AGBL1: variants seen among roughly 807,000 people sequenced by gnomAD.
The protein encoded by AGBL1 is AGBL carboxypeptidase 1.
AGBL1 carries 130 observed loss-of-function variants against 118.9 expected under a neutral mutation model. The ratio of observed to expected loss-of-function variants is 1.09; its 90% confidence interval spans 0.95 to 1.26. The LOEUF (loss-of-function observed/expected upper bound fraction) is 1.26. Ranked by LOEUF, AGBL1 falls within the 50% of genes most tolerant of loss-of-function variation. The pLI is 0.00. For synonymous variants in AGBL1, 555 were observed against 478.9 expected, an observed-to-expected ratio of 1.16 and a Z score of -2.08; for missense variants, 1,584 against 1,298.1, an observed-to-expected ratio of 1.22 and a Z score of -3.38.
At chr15:86,135,903 C>T (rs546096027) in intron 1 of AGBL1, among the ~76,000 whole-genome samples, 135 of 152,284 alleles carry the variant, frequency 8.9e-4, no homozygotes, top group Non-Finnish European at 1.6e-3. Context: ...AACTTTCACC[C>T]GGTTCATGTG....
chr15:86,450,625 A>G (rs1175252640), intron 18 of AGBL1, among the ~76,000 whole-genome samples: 1 of 152,224 alleles, frequency 6.6e-6, no homozygotes, highest in Non-Finnish European at 1.5e-5. Context: ...ATTTAAGAAT[A>G]GGGTCAAAAT....
chr15:86,157,871 C>T (rs1244104654), intron 4 of AGBL1, among the ~76,000 whole-genome samples: 1 of 152,192 alleles, frequency 6.6e-6, no homozygotes, highest in Non-Finnish European at 1.5e-5. Flanking sequence ...CAGGCATCCA[C>T]AAAAGTGAAC....
intron 22 of AGBL1, among the ~76,000 whole-genome samples, chr15:86,886,052 T>A (rs1461253190): frequency 6.6e-6 from 1 of 152,232 alleles, no homozygotes; most frequent in Non-Finnish European, 1.5e-5. Flanking sequence ...TTTTTGGTTT[T>A]TTTCATATAG....
intron 21 of AGBL1, among the ~76,000 whole-genome samples, chr15:86,600,103 A>C (rs1396439898): frequency 6.6e-6 from 1 of 152,122 alleles, no homozygotes; most frequent in Non-Finnish European, 1.5e-5. Flanking sequence ...TCCAGTTATT[A>C]CTGATCTGAG....
chr15:86,507,063 G>A (rs2082986357), intron 18 of AGBL1, among the ~76,000 whole-genome samples: 1 of 151,954 alleles, frequency 6.6e-6, no homozygotes, highest in Non-Finnish European at 1.5e-5. Context: ...AAGATGTTTT[G>A]ATTTCTCATA....
chr15:86,841,601 T>C (rs1053109877), intron 22 of AGBL1, among the ~76,000 whole-genome samples: 5 of 152,176 alleles, frequency 3.3e-5, no homozygotes, highest in Non-Finnish European at 7.3e-5. Flanking sequence ...ATCCCAGCAC[T>C]TTTGGAGGCC....
chr15:86,783,585 T>G (rs1478598059), intron 22 of AGBL1, among the ~76,000 whole-genome samples: 1 of 152,170 alleles, frequency 6.6e-6, no homozygotes, highest in East Asian at 1.9e-4. Context: ...TTGAAAATTA[T>G]AATTAGAGGA....
chr15:86,922,559 T>C (rs1175442317), intron 23 of AGBL1, among the ~76,000 whole-genome samples: 3 of 152,166 alleles, frequency 2.0e-5, no homozygotes, highest in Admixed American at 2.0e-4. Context: ...CCCAAAATGT[T>C]GGAATTACAG....
intron 17 of AGBL1, among the ~76,000 whole-genome samples, chr15:86,320,770 T>C (rs988316494): frequency 6.6e-6 from 1 of 151,984 alleles, no homozygotes; most frequent in Non-Finnish European, 1.5e-5. Context: ...TAAGGATGTG[T>C]CTTTCTATTC....
chr15:86,656,467 G>A (rs77643504), intron 21 of AGBL1, among the ~76,000 whole-genome samples: 4 of 152,152 alleles, frequency 2.6e-5, no homozygotes, highest in South Asian at 2.1e-4. Flanking sequence ...GAAGTAACTT[G>A]CTGCTTGTTG....
At chr15:86,802,279 AT>A (rs35370954) in intron 22 of AGBL1, among the ~76,000 whole-genome samples, 54,601 of 149,058 alleles carry the variant, frequency 0.37, 11,339 homozygotes, top group Non-Finnish European at 0.5. Context: ...TGAGGTTTTC[AT>A]TTTTTTTTTC....
At chr15:86,841,612 G>A (rs974771898) in intron 22 of AGBL1, among the ~76,000 whole-genome samples, 2 of 152,158 alleles carry the variant, frequency 1.3e-5, no homozygotes, top group African/African-American at 2.4e-5. Context: ...TTTGGAGGCC[G>A]AGGTGGGTGA....
chr15:86,588,710 G>A (rs1332753023), intron 21 of AGBL1, among the ~76,000 whole-genome samples: 5 of 152,106 alleles, frequency 3.3e-5, no homozygotes, highest in Admixed American at 1.3e-4. Context: ...TTTGCAGCAT[G>A]ACTAAGCTTT....
intron 5 of AGBL1, among the ~76,000 whole-genome samples, chr15:86,175,342 T>C (rs533583383): frequency 9.8e-5 from 15 of 152,304 alleles, no homozygotes; most frequent in Admixed American, 9.1e-4. Context: ...TTTGTACTTC[T>C]GTGGTATCAG....
chr15:86,172,108 G>A (rs2077424668), intron 5 of AGBL1, among the ~76,000 whole-genome samples: 1 of 152,092 alleles, frequency 6.6e-6, no homozygotes, highest in Admixed American at 6.6e-5. Context: ...TCAGGTGATG[G>A]TGCACCAAAA....
intron 18 of AGBL1, among the ~76,000 whole-genome samples, chr15:86,412,464 G>T (rs2081635295): frequency 6.6e-6 from 1 of 152,040 alleles, no homozygotes; most frequent in African/African-American, 2.4e-5. Context: ...CCTAAATCTT[G>T]TATGTTCAGT....
intron 22 of AGBL1, among the ~76,000 whole-genome samples, chr15:86,881,725 C>A (rs2079894133): frequency 6.6e-6 from 1 of 152,118 alleles, no homozygotes; most frequent in South Asian, 2.1e-4. Flanking sequence ...ACCTCCGCCT[C>A]CCGGGTTTTA....
intron 3 of AGBL1, among the ~76,000 whole-genome samples, chr15:86,150,204 C>G (rs2077089015): frequency 6.6e-6 from 1 of 152,172 alleles, no homozygotes; most frequent in Non-Finnish European, 1.5e-5. Context: ...ACCCTAACAT[C>G]ACAACTAAAA....
At chr15:86,823,659 T>C (rs2078970422) in intron 22 of AGBL1, among the ~76,000 whole-genome samples, 1 of 152,160 alleles carries the variant, frequency 6.6e-6, no homozygotes, top group Admixed American at 6.5e-5. Flanking sequence ...GAATGTATCC[T>C]AAGTAGGTAA....
Sources: allele counts gnomAD v4.1 joint callset (sites outside exome capture counted in the v4.1 genomes callset), GRCh38; gene constraint gnomAD v4.1.1; transcripts MANE v1.5; gene names NCBI Gene and HGNC (gene_info 2026-07-23, HGNC 2026-07-21).